Variants in CDH22 observed in about 807,000 individuals in gnomAD.
The protein encoded by CDH22 is cadherin 22.
CDH22 carries 30 observed loss-of-function variants against 58.4 expected under a neutral mutation model. That is an observed-to-expected ratio of 0.51 (90% confidence interval 0.38 to 0.70). The LOEUF (loss-of-function observed/expected upper bound fraction) is 0.70, where lower values mean the gene tolerates loss of function less well. CDH22 is among the 30% of genes least tolerant of loss of function. CDH22 has a pLI of 0.00. For missense variants in CDH22, 1,014 were observed against 1,233.9 expected, an observed-to-expected ratio of 0.82 and a Z score of 2.67; for synonymous variants, 513 against 558.2, an observed-to-expected ratio of 0.92 and a Z score of 1.14.
chr20:46,185,976 G>A (rs1368701441), intron 10 of CDH22, among the ~76,000 whole-genome samples: 2 of 152,140 alleles, frequency 1.3e-5, no homozygotes, highest in Non-Finnish European at 2.9e-5. Flanking sequence ...ACTTTGGGAG[G>A]CCGAGGCAGG....
chr20:46,253,554 C>A (rs1481860469), intron 1 of CDH22, among the ~76,000 whole-genome samples: 1 of 152,186 alleles, frequency 6.6e-6, no homozygotes, highest in Non-Finnish European at 1.5e-5. Flanking sequence ...GGGCACGAGG[C>A]TTCCCAACCC....
chr20:46,193,030 C>A (rs1024253245), intron 8 of CDH22, among the ~76,000 whole-genome samples: 4 of 151,694 alleles, frequency 2.6e-5, no homozygotes, highest in African/African-American at 9.7e-5. Context: ...ATTGGGGGGA[C>A]GTTTATTCCT....
rs2059033447 is a variant in CDH22 at position 46,308,489 on chromosome 20, G to A, written c.-634C>T. On this transcript the variant is annotated 5_prime_UTR_variant, in exon 1 of 12. Transcript: ENST00000537909. This position sits in a 1 kb window ranked among gnomAD's most constrained non-coding sequence, Gnocchi z 4.3. ...AGCGAGCGAGCGGGAGCGAGGGAGTGTGCGTGTCTGACTGGGGGGAAGTGT... is the reference window on the plus strand; with the variant it reads ...AGCGAGCGAGCGGGAGCGAGGGAGTATGCGTGTCTGACTGGGGGGAAGTGT... 2 of 208,850 alleles carry A rather than the reference G, an allele frequency of 9.6e-6. No homozygotes were observed. Among genetic ancestry groups the A allele is most frequent in the Non-Finnish European group, 1.9e-5 (2 of 102,868 alleles). The allele number at this position is 208,850 out of a possible 1,614,324, so 12.9% of individuals were successfully genotyped here. A position where few individuals can be genotyped will look rare whatever the true frequency, so the allele number is the denominator to read the frequency against.
At position 46,210,238 on chromosome 20, in the gene CDH22, C is replaced by T. The variant is rs957770246; in HGVS notation, c.1286+69G>A. ...CGCCCCAGCCCTCCTCCCCTCTGCC[C>T]GCAGTCTGTCCGCGGGGGTGATGGC... On this transcript the variant is annotated intron_variant, in intron 7 of 11. Coordinates refer to ENST00000537909, the MANE Select transcript of CDH22 (RefSeq NM_021248.3). This position sits in a 1 kb window ranked among gnomAD's most constrained non-coding sequence, Gnocchi z 4.5. 3.7e-6 allele frequency: 5 copies of T among 1,341,062 alleles called. No individual in the cohort carries two copies. In the African/African-American group the frequency reaches 6.2e-5, roughly 17 times the overall value. 83.1% of individuals were successfully genotyped at this position (1,341,062 alleles called of 1,614,324 possible). A position where few individuals can be genotyped will look rare whatever the true frequency, so the allele number is the denominator to read the frequency against.
intron 2 of CDH22, among the ~76,000 whole-genome samples, chr20:46,243,650 C>T (rs898842462): frequency 3.9e-5 from 6 of 152,150 alleles, no homozygotes; most frequent in Admixed American, 6.5e-5. Context: ...GCTGTTTATA[C>T]GTTTTTTCCA....
At chr20:46,208,782 G>A (rs184350304) in intron 7 of CDH22, among the ~76,000 whole-genome samples, 11 of 152,112 alleles carry the variant, frequency 7.2e-5, no homozygotes, top group African/African-American at 2.7e-4. Flanking sequence ...TAGTAGAGAC[G>A]GGGTTTCACC....
chr20:46,177,882 A>G (rs1233602257), intron 11 of CDH22, 64 bp downstream of exon 11: 26 of 1,582,250 alleles, frequency 1.6e-5, no homozygotes, highest in Non-Finnish European at 2.1e-5. Context: ...CTGGTTAGGA[A>G]GGAAACCCAG....
intron 1 of CDH22, among the ~76,000 whole-genome samples, chr20:46,275,015 G>A (rs1193327052): frequency 6.6e-6 from 1 of 152,188 alleles, no homozygotes; most frequent in Non-Finnish European, 1.5e-5. Flanking sequence ...CAACTGCGTG[G>A]TGGTTGCACA....
chr20:46,233,632 T>C (rs1026786894), intron 3 of CDH22, among the ~76,000 whole-genome samples: 10 of 152,220 alleles, frequency 6.6e-5, no homozygotes, highest in African/African-American at 2.4e-4. Context: ...CCACAGGGCC[T>C]GGCATACAGA....
intron 10 of CDH22, among the ~76,000 whole-genome samples, chr20:46,180,736 A>C (rs2085778230): frequency 6.6e-6 from 1 of 151,662 alleles, no homozygotes; most frequent in African/African-American, 2.4e-5. Flanking sequence ...CCATCCAACA[A>C]ATCTTTTTTT....
chr20:46,281,411 G>A (rs543326175), intron 1 of CDH22, among the ~76,000 whole-genome samples: 2 of 152,142 alleles, frequency 1.3e-5, no homozygotes, highest in East Asian at 1.9e-4. Context: ...GAGATTGAAA[G>A]GAAACCTGTG....
At chr20:46,246,357 C>T (rs964707067) in intron 2 of CDH22, among the ~76,000 whole-genome samples, 1 of 152,086 alleles carries the variant, frequency 6.6e-6, no homozygotes, top group Non-Finnish European at 1.5e-5. Context: ...TTAATCCTGC[C>T]GTATATCTAA....
intron 1 of CDH22, among the ~76,000 whole-genome samples, chr20:46,282,291 C>T (rs1001988301): frequency 6.6e-6 from 1 of 151,796 alleles, no homozygotes; most frequent in African/African-American, 2.4e-5. Context: ...AGTAGATTTG[C>T]CCGGGGGGTG....
intron 11 of CDH22, 50 bp from the exon 12 acceptor site, chr20:46,175,127 A>G: frequency 1.9e-6 from 3 of 1,549,948 alleles, no homozygotes; most frequent in Non-Finnish European, 2.6e-6. Context: ...CTCCCAGGGC[A>G]TTAGAAGGAC....
At chr20:46,236,649 ATATC>A (rs3082934) in intron 3 of CDH22, among the ~76,000 whole-genome samples, 10,087 of 135,756 alleles carry the variant, frequency 0.074, 604 homozygotes, top group East Asian at 0.31. Flanking sequence ...TTATATATTA[ATATC>A]TATCTATCTA....
Position 46,222,825 on chromosome 20 carries a change from C to T in CDH22, c.670+4683G>A, listed in dbSNP as rs151131140. 2.6e-3 allele frequency among the ~76,000 whole-genome samples: 398 copies of T among 152,388 alleles called. 4 individuals are homozygous for T. Among genetic ancestry groups the T allele is most frequent in the Middle Eastern group, 0.02 (6 of 294 alleles). On this transcript the variant is annotated intron_variant, in intron 4 of 11. Coordinates refer to ENST00000537909, the MANE Select transcript of CDH22 (RefSeq NM_021248.3). ...TTCCTCCTCTGGCATTGGGGCCTCGCGGCGCCCCGCCTCCTCCCTTCCCTC... is the reference window on the plus strand; with the variant it reads ...TTCCTCCTCTGGCATTGGGGCCTCGTGGCGCCCCGCCTCCTCCCTTCCCTC...
intron 1 of CDH22, among the ~76,000 whole-genome samples, chr20:46,278,739 A>G (rs2086533979): frequency 6.6e-6 from 1 of 152,044 alleles, no homozygotes; most frequent in Non-Finnish European, 1.5e-5. Context: ...GCGTGCCACC[A>G]CACCTGGCTA....
At chr20:46,181,437 C>T (rs1341376781) in intron 10 of CDH22, among the ~76,000 whole-genome samples, 10 of 151,984 alleles carry the variant, frequency 6.6e-5, no homozygotes, top group African/African-American at 1.2e-4. Flanking sequence ...CTCAGGGACC[C>T]GGGACACTCA....
intron 4 of CDH22, among the ~76,000 whole-genome samples, chr20:46,218,587 C>T (rs2086102271): frequency 6.6e-6 from 1 of 152,180 alleles, no homozygotes; most frequent in Admixed American, 6.5e-5. Flanking sequence ...CTCATAGCTA[C>T]CACCTCACAT....
Sources: gnomAD v4.1 joint callset for allele counts (sites outside exome capture counted in the v4.1 genomes callset) on GRCh38, gnomAD v4.1.1 for gene constraint, Gnocchi (gnomAD v3.1) non-coding constraint, MANE v1.5 for transcripts, NCBI Gene and HGNC (gene_info 2026-07-23, HGNC 2026-07-21) for gene names.